Variants in FNIP1 observed in about 807,000 individuals in gnomAD.
FNIP1 encodes folliculin interacting protein 1.
A neutral mutation model predicts 124.5 loss-of-function variants in FNIP1; 40 were observed. The observed-to-expected ratio is 0.32, with a 90% CI of 0.25 to 0.42. The LOEUF is 0.42. Among genes scored for constraint, FNIP1 ranks in the 10% least tolerant of loss-of-function variants. The probability of loss-of-function intolerance (pLI) is 1.00; values close to 1 mark genes in which losing one functional copy is unlikely to be tolerated. For missense variants in FNIP1, 1,176 were observed against 1,403.7 expected (o/e 0.84, Z 2.59); for synonymous variants, 472 against 470.6 (o/e 1.00, Z -0.04).
chr5:131,697,879 G>T (rs1768756159), intron 11 of FNIP1, among the ~76,000 whole-genome samples: 1 of 144,584 alleles, frequency 6.9e-6, no homozygotes, highest in Non-Finnish European at 1.5e-5. Flanking sequence ...TGAGGCAGGA[G>T]AATTGCTTGA....
At chr5:131,755,939 G>A (rs1771036903) in intron 1 of FNIP1, among the ~76,000 whole-genome samples, 1 of 151,860 alleles carries the variant, frequency 6.6e-6, no homozygotes, top group Admixed American at 6.6e-5. Context: ...AACCTGGGAG[G>A]CAAAGGTTGC....
At chr5:131,785,962 T>C (rs948574411) in intron 1 of FNIP1, among the ~76,000 whole-genome samples, 5 of 152,214 alleles carry the variant, frequency 3.3e-5, no homozygotes, top group Non-Finnish European at 7.3e-5. Context: ...TACAAAATCC[T>C]TATTTATGGG....
At chr5:131,695,906 T>C (rs1001987141) in intron 11 of FNIP1, among the ~76,000 whole-genome samples, 1 of 152,252 alleles carries the variant, frequency 6.6e-6, no homozygotes, top group African/African-American at 2.4e-5. Context: ...GGGCTTCTTT[T>C]TCCTTAACTG....
intron 1 of FNIP1, among the ~76,000 whole-genome samples, chr5:131,785,049 CTA>C (rs1157982279): frequency 3.3e-4 from 10 of 30,002 alleles, no homozygotes; most frequent in South Asian, 1.7e-3. Flanking sequence ...ATATATATGA[CTA>C]TATATATCAT....
chr5:131,780,013 C>A (rs1394125079), intron 1 of FNIP1, among the ~76,000 whole-genome samples: 11 of 151,464 alleles, frequency 7.3e-5, no homozygotes, highest in Admixed American at 7.3e-4. Context: ...CCAGCCTGGG[C>A]AACATGGTGA....
chr5:131,774,921 T>G (rs1771753078), intron 1 of FNIP1, among the ~76,000 whole-genome samples: 1 of 152,222 alleles, frequency 6.6e-6, no homozygotes, highest in South Asian at 2.1e-4. Context: ...CTATGGTATC[T>G]TCTATTAATT....
At chr5:131,787,152 T>C (rs529116356) in intron 1 of FNIP1, among the ~76,000 whole-genome samples, 4 of 152,212 alleles carry the variant, frequency 2.6e-5, no homozygotes, top group Non-Finnish European at 5.9e-5. Context: ...ATAGGTAGTC[T>C]ATGCCTAAGC....
chr5:131,657,909 T>C (rs867569417), intron 15 of FNIP1, among the ~76,000 whole-genome samples: 2 of 151,706 alleles, frequency 1.3e-5, no homozygotes, highest in African/African-American at 2.4e-5. Flanking sequence ...GGTGTGGCAG[T>C]GTGTGCCTGT....
intron 1 of FNIP1, among the ~76,000 whole-genome samples, chr5:131,762,092 C>A (rs1771251002): frequency 6.6e-6 from 1 of 152,118 alleles, no homozygotes; most frequent in South Asian, 2.1e-4. Context: ...TCTCACCATA[C>A]ACGAAAATTA....
At chr5:131,703,949 T>G in intron 10 of FNIP1, 116 bp downstream of exon 10, 1 of 851,048 alleles carries the variant, frequency 1.2e-6, no homozygotes, top group Non-Finnish European at 1.8e-6. Flanking sequence ...ACCAGAGCAC[T>G]TTATAGGACA....
intron 1 of FNIP1, among the ~76,000 whole-genome samples, chr5:131,765,343 T>C (rs568291342): frequency 6.6e-6 from 1 of 152,314 alleles, no homozygotes; most frequent in South Asian, 2.1e-4. Context: ...GGTTTATAGA[T>C]TCAGCTATAA....
chr5:131,675,364 C>T (rs1250537688), intron 13 of FNIP1, among the ~76,000 whole-genome samples: 2 of 152,188 alleles, frequency 1.3e-5, no homozygotes, highest in African/African-American at 4.8e-5. Flanking sequence ...CTGTCGACTT[C>T]TTGAGGGCAA....
chr5:131,792,323 G>A lies in FNIP1; in HGVS notation c.92+4507C>T, dbSNP rs574221190. Among the ~76,000 whole-genome samples, 193 of 152,140 alleles carry A rather than the reference G, an allele frequency of 1.3e-3. 3 individuals carry two copies. The highest frequency in any genetic ancestry group is 4.6e-3 in the African/African-American group (189 of 41,524). On this transcript the variant is annotated intron_variant, in intron 1 of 17. Coordinates refer to ENST00000510461, the MANE Select transcript of FNIP1 (RefSeq NM_133372.3). ...TTACAGGCGCCCGCCACCACACCCA[G>A]CTGATTCTTGCATTTTTAGTAGAGA...
intron 10 of FNIP1, among the ~76,000 whole-genome samples, chr5:131,699,244 C>T (rs1343778581): frequency 1.3e-5 from 2 of 152,080 alleles, no homozygotes; most frequent in African/African-American, 4.8e-5. Context: ...TTTAAAACTG[C>T]AGACTGTCAA....
At chr5:131,778,097 G>A (rs1436568880) in intron 1 of FNIP1, among the ~76,000 whole-genome samples, 2 of 151,938 alleles carry the variant, frequency 1.3e-5, no homozygotes, top group Non-Finnish European at 2.9e-5. Context: ...TTTGGCTCAC[G>A]CTTGTAATCC....
At chr5:131,756,462 GA>G in intron 1 of FNIP1, among the ~76,000 whole-genome samples, 1 of 151,928 alleles carries the variant, frequency 6.6e-6, no homozygotes, top group East Asian at 1.9e-4. Context: ...TAATATAAAG[GA>G]AAAAAGGCAT....
Position 131,656,412 on chromosome 5 carries a change from T to C in FNIP1, c.3109-4413A>G, listed in dbSNP as rs145803210. Among the ~76,000 whole-genome samples the C allele has an allele frequency of 5.4e-3, 825 of 152,354 alleles. 2 individuals carry two copies. The highest frequency in any genetic ancestry group is 0.012 in the South Asian group (57 of 4,820). On this transcript the variant is annotated intron_variant, in intron 15 of 17. Coordinates refer to ENST00000510461, the MANE Select transcript of FNIP1 (RefSeq NM_133372.3). ...CACTAGGTGTGAAAACCAGGTACTT[T>C]TGCAGAATACCTTTTAAATCTCATA...
At chr5:131,731,407 C>T (rs1254612965) in intron 2 of FNIP1, among the ~76,000 whole-genome samples, 2 of 152,088 alleles carry the variant, frequency 1.3e-5, no homozygotes, top group Non-Finnish European at 2.9e-5. Context: ...GTAATTCCAG[C>T]ACTTTGGGAA....
chr5:131,734,067 T>C (rs1172874609), intron 2 of FNIP1, among the ~76,000 whole-genome samples: 3 of 152,210 alleles, frequency 2.0e-5, no homozygotes, highest in African/African-American at 4.8e-5. Context: ...GGAGGATGTA[T>C]GTGTTGAGGA....
Sources: gnomAD v4.1 joint callset for allele counts (sites outside exome capture counted in the v4.1 genomes callset) on GRCh38, gnomAD v4.1.1 for gene constraint, MANE v1.5 for transcripts, NCBI Gene and HGNC (gene_info 2026-07-23, HGNC 2026-07-21) for gene names.